Variants in ASIC2 observed in about 807,000 individuals in gnomAD.
ASIC2 encodes the protein acid sensing ion channel subunit 2.
ASIC2 carries 25 observed loss-of-function variants against 57.3 expected under a neutral mutation model. The observed-to-expected ratio is 0.44, with a 90% CI of 0.32 to 0.61. The LOEUF (loss-of-function observed/expected upper bound fraction) is 0.61, where lower values mean the gene tolerates loss of function less well. ASIC2 is among the 20% of genes least tolerant of loss of function. The probability of loss-of-function intolerance (pLI) is 0.06; values close to 1 mark genes in which losing one functional copy is unlikely to be tolerated. For synonymous variants in ASIC2, 319 were observed against 307.5 expected (o/e 1.04, Z -0.39); for missense variants, 641 against 738.1 (o/e 0.87, Z 1.52).
chr17:34,109,732 T>C (rs1911199019), intron 1 of ASIC2, among the ~76,000 whole-genome samples: 2 of 152,174 alleles, frequency 1.3e-5, no homozygotes, highest in South Asian at 2.1e-4. Flanking sequence ...GCCTTCCTCA[T>C]TGAGGACTTG....
chr17:33,277,454 A>G (rs1213906900), intron 1 of ASIC2, among the ~76,000 whole-genome samples: 1 of 152,210 alleles, frequency 6.6e-6, no homozygotes, highest in Non-Finnish European at 1.5e-5. Context: ...AATTGGCTTT[A>G]CTGCACCACA....
intron 1 of ASIC2, among the ~76,000 whole-genome samples, chr17:33,902,728 C>A (rs940331357): frequency 6.6e-6 from 1 of 152,186 alleles, no homozygotes; most frequent in African/African-American, 2.4e-5. Flanking sequence ...AACCACTGAT[C>A]CAGAGTCCAC....
intron 1 of ASIC2, among the ~76,000 whole-genome samples, chr17:33,129,216 C>A (rs538209714): frequency 2.0e-5 from 3 of 152,188 alleles, no homozygotes; most frequent in Admixed American, 6.5e-5. Flanking sequence ...ACACCTCTCA[C>A]GGCAAACCCC....
At chr17:33,230,375 T>C (rs1320037464) in intron 1 of ASIC2, among the ~76,000 whole-genome samples, 22 of 152,248 alleles carry the variant, frequency 1.4e-4, no homozygotes, top group Admixed American at 1.3e-3. Flanking sequence ...GGTAATGAGC[T>C]ATCCAGGACA....
chr17:33,527,130 T>A (rs1045252387), intron 1 of ASIC2, among the ~76,000 whole-genome samples: 1 of 152,184 alleles, frequency 6.6e-6, no homozygotes, highest in African/African-American at 2.4e-5. Context: ...TGCATGTGGA[T>A]GCCTGGTGCA....
intron 1 of ASIC2, chr17:33,955,670 C>G (rs36029561): frequency 0.34 from 52,293 of 152,140 alleles, 9,211 homozygotes; most frequent in African/African-American, 0.38. Flanking sequence ...CCCACGGGAC[C>G]CCTCCTATGT....
At chr17:33,419,555 G>A (rs1047054806) in intron 1 of ASIC2, among the ~76,000 whole-genome samples, 1 of 152,158 alleles carries the variant, frequency 6.6e-6, no homozygotes, top group African/African-American at 2.4e-5. Flanking sequence ...CAGCATTTCA[G>A]GTCTCTATGT....
chr17:33,432,774 T>C (rs1015665288), intron 1 of ASIC2, among the ~76,000 whole-genome samples: 5 of 152,088 alleles, frequency 3.3e-5, no homozygotes, highest in African/African-American at 9.7e-5. Flanking sequence ...AAAGAAGATA[T>C]ACACGTGACC....
chr17:33,659,914 AT>A, intron 1 of ASIC2, among the ~76,000 whole-genome samples: 1 of 148,954 alleles, frequency 6.7e-6, no homozygotes, highest in Non-Finnish European at 1.5e-5. Context: ...AAATAAATAA[AT>A]AAAATAAAAA....
At chr17:34,038,645 C>T in intron 1 of ASIC2, 1 of 1,590,814 alleles carries the variant, frequency 6.3e-7, no homozygotes, top group Non-Finnish European at 8.6e-7. Flanking sequence ...TTTTCTAACC[C>T]TTTCTAGCCT....
intron 1 of ASIC2, among the ~76,000 whole-genome samples, chr17:33,951,989 A>G (rs1187465364): frequency 1.3e-5 from 2 of 152,198 alleles, no homozygotes; most frequent in Non-Finnish European, 2.9e-5. Flanking sequence ...CGTGTGATCA[A>G]TTTGTGGAAT....
chr17:33,456,045 C>A (rs559107680), intron 1 of ASIC2, among the ~76,000 whole-genome samples: 145 of 152,282 alleles, frequency 9.5e-4, no homozygotes, highest in African/African-American at 3.3e-3. Context: ...TCCAGGCTTC[C>A]GGTCCAGGGC....
intron 1 of ASIC2, among the ~76,000 whole-genome samples, chr17:33,993,763 C>T (rs1479018504): frequency 6.6e-6 from 1 of 152,134 alleles, no homozygotes; most frequent in Non-Finnish European, 1.5e-5. Flanking sequence ...GTCTGTTCTG[C>T]CCCCTCAGTA....
chr17:34,056,929 T>C (rs1178982545), intron 1 of ASIC2, among the ~76,000 whole-genome samples: 1 of 152,234 alleles, frequency 6.6e-6, no homozygotes, highest in Non-Finnish European at 1.5e-5. Flanking sequence ...TTAAATACAA[T>C]GATGAATCAT....
intron 1 of ASIC2, among the ~76,000 whole-genome samples, chr17:33,729,705 C>T (rs1157591053): frequency 6.6e-6 from 1 of 152,164 alleles, no homozygotes; most frequent in Non-Finnish European, 1.5e-5. Context: ...AAACAACCCT[C>T]ACAGGGTTGC....
intron 1 of ASIC2, among the ~76,000 whole-genome samples, chr17:33,326,197 G>T (rs1158455093): frequency 6.6e-6 from 1 of 152,236 alleles, no homozygotes; most frequent in East Asian, 1.9e-4. Flanking sequence ...ATCCCATTTT[G>T]ATTTTTACCA....
At chr17:33,704,288 A>G (rs1205433639) in intron 1 of ASIC2, among the ~76,000 whole-genome samples, 1 of 152,212 alleles carries the variant, frequency 6.6e-6, no homozygotes, top group Non-Finnish European at 1.5e-5. Flanking sequence ...TCAAGATGCT[A>G]ATGAGATATT....
chr17:33,929,202 T>G (rs1395369948), intron 1 of ASIC2, among the ~76,000 whole-genome samples: 1 of 152,146 alleles, frequency 6.6e-6, no homozygotes, highest in Non-Finnish European at 1.5e-5. Context: ...TTTTGTTCCC[T>G]CATTAGCTCT....
intron 1 of ASIC2, among the ~76,000 whole-genome samples, chr17:33,132,745 T>A (rs989601797): frequency 6.6e-6 from 1 of 152,166 alleles, no homozygotes; most frequent in African/African-American, 2.4e-5. Context: ...TCCAGGGCTG[T>A]CTCATGTCTG....
Sources: gnomAD v4.1 joint callset for allele counts (sites outside exome capture counted in the v4.1 genomes callset) on GRCh38, gnomAD v4.1.1 for gene constraint, MANE v1.5 for transcripts, NCBI Gene and HGNC (gene_info 2026-07-23, HGNC 2026-07-21) for gene names.